The following LGR4 variants were observed in gnomAD, a reference collection of about 807,000 sequenced individuals.
LGR4 encodes the protein leucine-rich repeat-containing G protein-coupled receptor 4.
A neutral mutation model predicts 84.8 loss-of-function variants in LGR4; 44 were observed. The observed-to-expected ratio is 0.52, with a 90% confidence interval of 0.41 to 0.67. The LOEUF (loss-of-function observed/expected upper bound fraction) is 0.67. Ranked by LOEUF, LGR4 falls within the 30% of genes least tolerant of loss-of-function variation. The pLI is 0.00. For missense variants in LGR4, 1,032 were observed against 1,131.4 expected, an observed-to-expected ratio of 0.91 and a Z score of 1.26; for synonymous variants, 429 against 434.3, an observed-to-expected ratio of 0.99 and a Z score of 0.15.
chr11:27,443,280 T>G (rs1864332502), intron 1 of LGR4, among the ~76,000 whole-genome samples: 1 of 152,208 alleles, frequency 6.6e-6, no homozygotes, highest in Non-Finnish European at 1.5e-5. Flanking sequence ...GTACACCTGT[T>G]ATTACACACT....
chr11:27,469,503 T>C (rs1281560044), intron 1 of LGR4, among the ~76,000 whole-genome samples: 1 of 152,116 alleles, frequency 6.6e-6, no homozygotes, highest in Non-Finnish European at 1.5e-5. Flanking sequence ...GGATCCCAAG[T>C]TGAGTAAAAT....
chr11:27,424,904 C>T (rs1207677728), intron 1 of LGR4, among the ~76,000 whole-genome samples: 1 of 152,158 alleles, frequency 6.6e-6, no homozygotes, highest in African/African-American at 2.4e-5. Context: ...CGTGCCACCA[C>T]ACCTGGCTAA....
chr11:27,379,141 T>A, intron 10 of LGR4: 1 of 202,516 alleles, frequency 4.9e-6, no homozygotes, highest in South Asian at 1.3e-4. Flanking sequence ...TGTTTCTGTC[T>A]TTTCTTTCAG....
At chr11:27,426,445 T>C (rs553925122) in intron 1 of LGR4, among the ~76,000 whole-genome samples, 1 of 152,338 alleles carries the variant, frequency 6.6e-6, no homozygotes, top group African/African-American at 2.4e-5. Flanking sequence ...ATCCTATAAA[T>C]AGTATCTCAC....
chr11:27,416,549 G>A (rs935017850), intron 1 of LGR4, among the ~76,000 whole-genome samples: 3 of 152,098 alleles, frequency 2.0e-5, no homozygotes, highest in Admixed American at 2.0e-4. Flanking sequence ...GCCTTTGTTG[G>A]CCTTCTCAGA....
At chr11:27,426,439 T>G (rs902618850) in intron 1 of LGR4, among the ~76,000 whole-genome samples, 2 of 152,204 alleles carry the variant, frequency 1.3e-5, no homozygotes, top group African/African-American at 2.4e-5. Flanking sequence ...GGCTTTATCC[T>G]ATAAATAGTA....
In LGR4 at chr11:27,367,005, A is replaced by ACTATTAG. The variant is rs1160309658; in HGVS notation, c.*861_*862insCTAATAG. The ACTATTAG allele has an allele frequency of 6.6e-6, 1 of 152,216 alleles. No homozygotes were observed. Among genetic ancestry groups the ACTATTAG allele is most frequent in the Non-Finnish European group, 1.5e-5 (1 of 68,024 alleles). The allele number at this position is 152,216 out of a possible 1,614,324, so 9.4% of individuals were successfully genotyped here. A position where few individuals can be genotyped will look rare whatever the true frequency, so the allele number is the denominator to read the frequency against. On this transcript the variant is annotated 3_prime_UTR_variant, in exon 18 of 18. Transcript: ENST00000379214. The stretch of plus-strand genomic sequence containing the variant: ...CAAATTGGAAAATATTAGTAGAGCC[A>ACTATTAG]ACGATATTAGGAAGTATTCATTAAT...
intron 2 of LGR4, among the ~76,000 whole-genome samples, chr11:27,410,913 AGGTTGGCATAT>A (rs1459958326): frequency 1.3e-5 from 2 of 152,090 alleles, no homozygotes; most frequent in Non-Finnish European, 2.9e-5. Flanking sequence ...AGAATTCATG[AGGTTGGCATAT>A]GGTTGGTCAT....
rs116713578 is a variant in LGR4 at position 27,406,241 on chromosome 11, C to G, written c.257+6548G>C. The stretch of plus-strand genomic sequence containing the variant: ...AATTTGAATTCCCATAGCGAGTATA[C>G]TATCCCTCTCCCTTGAAAGCAAGAA... On this transcript the variant is annotated intron_variant, in intron 2 of 17. Coordinates refer to ENST00000379214, the MANE Select transcript of LGR4 (RefSeq NM_018490.5). Among the ~76,000 whole-genome samples the G allele has an allele frequency of 5.1e-3, 774 of 152,220 alleles. 7 individuals carry two copies. The highest frequency in any genetic ancestry group is 0.018 in the African/African-American group (729 of 41,546).
At chr11:27,400,259 G>A (rs1863473761) in intron 2 of LGR4, among the ~76,000 whole-genome samples, 1 of 152,012 alleles carries the variant, frequency 6.6e-6, no homozygotes, top group Admixed American at 6.6e-5. Context: ...TTTCAAATAA[G>A]GGGTACTCAA....
intron 1 of LGR4, among the ~76,000 whole-genome samples, chr11:27,416,387 A>G (rs191904001): frequency 3.0e-4 from 45 of 152,296 alleles, no homozygotes; most frequent in Admixed American, 2.8e-3. Flanking sequence ...ACTGAACCTT[A>G]TAGATTGATG....
At chr11:27,457,294 T>C (rs1803067555) in intron 1 of LGR4, among the ~76,000 whole-genome samples, 2 of 152,166 alleles carry the variant, frequency 1.3e-5, no homozygotes, top group Admixed American at 1.3e-4. Flanking sequence ...ACATTCCAAA[T>C]ATGAATACAT....
intron 1 of LGR4, among the ~76,000 whole-genome samples, chr11:27,469,732 G>A (rs902612287): frequency 6.6e-6 from 1 of 152,170 alleles, no homozygotes; most frequent in African/African-American, 2.4e-5. Context: ...ACATGCTCCA[G>A]CAATTAAGAA....
chr11:27,459,182 T>C (rs185000544), intron 1 of LGR4, among the ~76,000 whole-genome samples: 1 of 152,268 alleles, frequency 6.6e-6, no homozygotes, highest in East Asian at 1.9e-4. Flanking sequence ...GAGATGTCTA[T>C]ATAAATTTAA....
intron 1 of LGR4, among the ~76,000 whole-genome samples, chr11:27,429,824 T>C (rs1295857927): frequency 6.6e-6 from 1 of 152,120 alleles, no homozygotes. Context: ...AGAGGATGTG[T>C]GTAAACATGT....
At chr11:27,439,929 G>A (rs1459535269) in intron 1 of LGR4, among the ~76,000 whole-genome samples, 1 of 132,986 alleles carries the variant, frequency 7.5e-6, no homozygotes, top group African/African-American at 2.9e-5. Context: ...TTTTTGAGAC[G>A]GAGTCTCGCT....
chr11:27,451,888 A>G (rs918783423), intron 1 of LGR4, among the ~76,000 whole-genome samples: 12 of 152,212 alleles, frequency 7.9e-5, no homozygotes, highest in African/African-American at 2.9e-4. Context: ...AATATGATTC[A>G]AACCATTTAA....
chr11:27,461,632 A>AT (rs35154112), intron 1 of LGR4, among the ~76,000 whole-genome samples: 35,199 of 144,894 alleles, frequency 0.24, 4,345 homozygotes, highest in African/African-American at 0.32. Flanking sequence ...TTTTCTGCAC[A>AT]TTTTTTTTTT....
intron 1 of LGR4, among the ~76,000 whole-genome samples, chr11:27,468,308 T>C (rs1864816180): frequency 6.6e-6 from 1 of 152,206 alleles, no homozygotes; most frequent in South Asian, 2.1e-4. Context: ...GAGTAACTTT[T>C]TGTACAGTAT....
Sources: allele counts gnomAD v4.1 joint callset (sites outside exome capture counted in the v4.1 genomes callset), GRCh38; gene constraint gnomAD v4.1.1; transcripts MANE v1.5; gene names NCBI Gene and HGNC (gene_info 2026-07-23, HGNC 2026-07-21).